Variants in MYCBP2 observed in about 807,000 individuals in gnomAD.
The protein encoded by MYCBP2 is MYC binding protein 2.
In MYCBP2, 120 loss-of-function variants were observed where a neutral mutation model predicts 525.3. The observed-to-expected ratio is 0.23, with a 90% CI of 0.20 to 0.27. The LOEUF is 0.27. Ranked by LOEUF, MYCBP2 falls within the 10% of genes least tolerant of loss-of-function variation. The pLI, the probability that MYCBP2 is intolerant of heterozygous loss-of-function variation, is 1.00. For missense variants in MYCBP2, 4,149 were observed against 5,657.1 expected, an observed-to-expected ratio of 0.73 and a Z score of 8.55; for synonymous variants, 1,894 against 1,955.8, an observed-to-expected ratio of 0.97 and a Z score of 0.83.
chr13:77,215,546 C>T (rs530349468), intron 21 of MYCBP2, among the ~76,000 whole-genome samples: 1 of 152,182 alleles, frequency 6.6e-6, no homozygotes, highest in South Asian at 2.1e-4. Flanking sequence ...TAAGAAAGAA[C>T]CTTGTGGGAA....
chr13:77,179,083 G>A (rs1396021565), intron 34 of MYCBP2, among the ~76,000 whole-genome samples: 1 of 152,080 alleles, frequency 6.6e-6, no homozygotes, highest in African/African-American at 2.4e-5. Flanking sequence ...ATATGTATGC[G>A]AATTTCTTAC....
intron 49 of MYCBP2, among the ~76,000 whole-genome samples, chr13:77,142,821 C>T (rs537527364): frequency 6.6e-6 from 1 of 152,188 alleles, no homozygotes; most frequent in East Asian, 1.9e-4. Flanking sequence ...AAAAAGTGCT[C>T]ACTGGAGCAT....
At position 77,205,384 on chromosome 13, in the gene MYCBP2, C is replaced by T. The variant is rs7992812; in HGVS notation, c.3716-1G>A. The T allele has an allele frequency of 6.2e-7, 1 of 1,612,984 alleles. No individual in the cohort carries two copies. The highest frequency in any genetic ancestry group is 8.5e-7 in the Non-Finnish European group (1 of 1,179,596). On this transcript the variant is annotated splice_acceptor_variant, in intron 25 of 82. Transcript: ENST00000544440. LOFTEE classifies it high-confidence loss of function. ...GAATAACCCCAGCCTCCTCCATGAC[C>T]TAGAATATATAAATCATAATCTATG... is the stretch of plus-strand genomic sequence containing the variant.
At chr13:77,295,173 T>C (rs962476260) in intron 2 of MYCBP2, among the ~76,000 whole-genome samples, 2 of 152,192 alleles carry the variant, frequency 1.3e-5, no homozygotes, top group African/African-American at 4.8e-5. Flanking sequence ...TCTTACTCTG[T>C]CGCCAGGCTG....
intron 20 of MYCBP2, among the ~76,000 whole-genome samples, chr13:77,220,248 G>A (rs542501004): frequency 1.3e-5 from 2 of 152,224 alleles, no homozygotes; most frequent in African/African-American, 2.4e-5. Context: ...GTTAAAAAAA[G>A]GGTGAAAAAA....
intron 55 of MYCBP2, among the ~76,000 whole-genome samples, chr13:77,116,923 TA>T (rs542262064): frequency 5.0e-4 from 76 of 152,184 alleles, no homozygotes; most frequent in African/African-American, 1.8e-3. Context: ...CCTTTCTCCT[TA>T]GTTCTTTTGT....
intron 18 of MYCBP2, among the ~76,000 whole-genome samples, chr13:77,232,329 G>A (rs1359690305): frequency 6.6e-6 from 1 of 152,132 alleles, no homozygotes; most frequent in African/African-American, 2.4e-5. Context: ...TTAAGAAAAT[G>A]GGAGTTTTAA....
At chr13:77,308,349 G>T (rs1220484798) in intron 1 of MYCBP2, among the ~76,000 whole-genome samples, 1 of 151,924 alleles carries the variant, frequency 6.6e-6, no homozygotes, top group Non-Finnish European at 1.5e-5. Flanking sequence ...TACTATCCTT[G>T]CCCTTTTCCT....
At chr13:77,246,557 CAGG>C (rs1490236708) in intron 15 of MYCBP2, among the ~76,000 whole-genome samples, 2 of 127,288 alleles carry the variant, frequency 1.6e-5, no homozygotes, top group African/African-American at 6.0e-5. Flanking sequence ...GGAGGAGGAG[CAGG>C]AGGAGAAGGA....
At chr13:77,266,056 G>C (rs2074021304) in intron 8 of MYCBP2, among the ~76,000 whole-genome samples, 1 of 152,136 alleles carries the variant, frequency 6.6e-6, no homozygotes, top group Non-Finnish European at 1.5e-5. Flanking sequence ...ACTGAATAAA[G>C]ACATTAACGA....
intron 17 of MYCBP2, among the ~76,000 whole-genome samples, chr13:77,241,087 C>G (rs1410721178): frequency 6.6e-6 from 1 of 152,002 alleles, no homozygotes; most frequent in Admixed American, 6.6e-5. Context: ...AACATAATTT[C>G]TTTAAATATT....
rs926366749 is a variant in MYCBP2 at position 77,121,369 on chromosome 13, C to T, written c.8140+4G>A. On this transcript the variant is annotated splice_donor_region_variant and intron_variant, in intron 55 of 82. Coordinates refer to ENST00000544440, the MANE Select transcript of MYCBP2 (RefSeq NM_015057.5). The stretch of plus-strand genomic sequence containing the variant: ...AAGTAAAAGACTTACTTTTAAATAC[C>T]TACCTTTGCTATTTCCGAGTCCATA... The T allele has an allele frequency of 6.5e-7, 1 of 1,532,524 alleles. No homozygotes were observed. Among genetic ancestry groups the T allele is most frequent in the Non-Finnish European group, 8.8e-7 (1 of 1,131,746 alleles). 94.9% of individuals were successfully genotyped at this position (1,532,524 alleles called of 1,614,324 possible).
intron 13 of MYCBP2, 59 bp downstream of exon 13, chr13:77,260,369 T>A (rs2154337346): frequency 8.4e-7 from 1 of 1,192,250 alleles, no homozygotes; most frequent in South Asian, 1.7e-5. Flanking sequence ...TATGTCTTTG[T>A]CATACATAAC....
In MYCBP2 at chr13:77,126,884, AACC is replaced by A. The variant is rs544134287; in HGVS notation, c.7660-345_7660-343del. 1.0e-3 allele frequency among the ~76,000 whole-genome samples: 157 copies of A among 152,248 alleles called. 1 individual carries two copies. The highest frequency in any genetic ancestry group is 3.4e-3 in the Middle Eastern group (1 of 294). ...AAAAATAAAAATACTATACTATGTG[AACC>A]ACAAGGGAATAATTTTGAATCATTA... On this transcript the variant is annotated intron_variant, in intron 52 of 82. Transcript: ENST00000544440.
chr13:77,146,740 T>A (rs2055645289), intron 47 of MYCBP2, among the ~76,000 whole-genome samples: 1 of 152,106 alleles, frequency 6.6e-6, no homozygotes, highest in African/African-American at 2.4e-5. Flanking sequence ...ATAAATCACA[T>A]CATGGTCATC....
At chr13:77,301,659 G>A (rs1021918325) in intron 1 of MYCBP2, among the ~76,000 whole-genome samples, 4 of 152,028 alleles carry the variant, frequency 2.6e-5, no homozygotes, top group African/African-American at 9.7e-5. Context: ...AGTCTAGTTC[G>A]GGGACACTAA....
intron 59 of MYCBP2, chr13:77,092,611 A>C (rs996220269): frequency 6.6e-6 from 1 of 152,102 alleles, no homozygotes; most frequent in Non-Finnish European, 1.5e-5. Flanking sequence ...TTTTTAGTAA[A>C]GACAGGGTTT....
chr13:77,150,035 G>A (rs2056225962), intron 47 of MYCBP2, among the ~76,000 whole-genome samples: 1 of 152,134 alleles, frequency 6.6e-6, no homozygotes, highest in African/African-American at 2.4e-5. Context: ...CTCTGAAAAT[G>A]CCAAAATTAC....
In MYCBP2 at chr13:77,071,814, T is replaced by C. The variant is rs2041351276; in HGVS notation, c.11824-1103A>G. Among the ~76,000 whole-genome samples, 3 of 152,126 alleles carry C rather than the reference T, an allele frequency of 2.0e-5. No homozygotes were observed. In the South Asian group the frequency reaches 6.2e-4, roughly 31 times the overall value. Reference sequence around the variant, plus strand: ...CGTGGACATTCACTAAAACAGACTATATTATAGGCCAGAATCCAAATCTTA... The same window carrying C: ...CGTGGACATTCACTAAAACAGACTACATTATAGGCCAGAATCCAAATCTTA... On this transcript the variant is annotated intron_variant, in intron 68 of 82. Transcript: ENST00000544440.
Sources: allele counts gnomAD v4.1 joint callset (sites outside exome capture counted in the v4.1 genomes callset), GRCh38; gene constraint gnomAD v4.1.1; transcripts MANE v1.5; gene names NCBI Gene and HGNC (gene_info 2026-07-23, HGNC 2026-07-21).